GRIN2B: variants seen among roughly 807,000 people sequenced by gnomAD.
GRIN2B encodes glutamate ionotropic receptor NMDA type subunit 2B, also known as glutamate receptor ionotropic, NMDA 2B.
Under a neutral mutation model 114.5 loss-of-function variants are expected in GRIN2B, and 5 were observed. The ratio of observed to expected loss-of-function variants is 0.04; its 90% CI spans 0.02 to 0.09. The LOEUF is 0.09. GRIN2B is among the 10% of genes least tolerant of loss of function. The probability of loss-of-function intolerance (pLI) is 1.00; values close to 1 mark genes in which losing one functional copy is unlikely to be tolerated. For synonymous variants in GRIN2B, 787 were observed against 745.1 expected, an observed-to-expected ratio of 1.06 and a Z score of -0.92; for missense variants, 1,108 against 1,943.5, an observed-to-expected ratio of 0.57 and a Z score of 8.08.
intron 2 of GRIN2B, among the ~76,000 whole-genome samples, chr12:13,968,630 T>C (rs1867828157): frequency 6.6e-6 from 1 of 152,242 alleles, no homozygotes; most frequent in Non-Finnish European, 1.5e-5. Context: ...CACCAATATA[T>C]ATCCTCTTTC....
At chr12:13,798,006 T>G (rs886102730) in intron 3 of GRIN2B, among the ~76,000 whole-genome samples, 1 of 152,222 alleles carries the variant, frequency 6.6e-6, no homozygotes, top group Non-Finnish European at 1.5e-5. Context: ...AAAGTCAATC[T>G]TTAAGTCACA....
At chr12:13,922,400 T>C (rs1408913804) in intron 2 of GRIN2B, among the ~76,000 whole-genome samples, 2 of 152,154 alleles carry the variant, frequency 1.3e-5, no homozygotes, top group African/African-American at 2.4e-5. Flanking sequence ...CCAAACTGAA[T>C]TGTTATTTGG....
At chr12:13,783,806 G>C (rs17833908) in intron 3 of GRIN2B, among the ~76,000 whole-genome samples, 25,430 of 152,230 alleles carry the variant, frequency 0.17, 2,720 homozygotes, top group Non-Finnish European at 0.24. Context: ...CAATCTACCT[G>C]CTGGCCAGAC....
chr12:13,550,668 C>G lies in GRIN2B; in HGVS notation c.*12115G>C, dbSNP rs1007611280. 9.2e-5 allele frequency: 14 copies of G among 152,188 alleles called. No homozygotes were observed. The highest frequency in any genetic ancestry group is 1.9e-4 in the Non-Finnish European group (13 of 68,048). The allele number at this position is 152,188 out of a possible 1,614,324, so 9.4% of individuals were successfully genotyped here. ...TACCACAAAGAAAATGCTGCCTTCACATAAAGCCTCTTTTCTGTAATCCAA... is the reference window on the plus strand; with the variant it reads ...TACCACAAAGAAAATGCTGCCTTCAGATAAAGCCTCTTTTCTGTAATCCAA... On this transcript the variant is annotated 3_prime_UTR_variant, in exon 14 of 14. Transcript: ENST00000609686.
chr12:13,903,752 C>G (rs1484477950), intron 2 of GRIN2B, among the ~76,000 whole-genome samples: 1 of 151,968 alleles, frequency 6.6e-6, no homozygotes, highest in Non-Finnish European at 1.5e-5. Context: ...TCATATTAAT[C>G]GAATCTCCTA....
chr12:13,931,895 CCAT>C (rs768154815), intron 2 of GRIN2B, among the ~76,000 whole-genome samples: 2 of 152,154 alleles, frequency 1.3e-5, no homozygotes, highest in Non-Finnish European at 2.9e-5. Flanking sequence ...ACCTTAATCC[CCAT>C]CATTTCTCAC....
intron 2 of GRIN2B, among the ~76,000 whole-genome samples, chr12:13,950,443 T>G (rs1867459985): frequency 1.3e-5 from 2 of 152,252 alleles, no homozygotes; most frequent in South Asian, 4.1e-4. Context: ...GTTTATTCCT[T>G]ATTTGGAAAA....
At chr12:13,940,370 G>A (rs1867219208) in intron 2 of GRIN2B, among the ~76,000 whole-genome samples, 1 of 152,058 alleles carries the variant, frequency 6.6e-6, no homozygotes, top group African/African-American at 2.4e-5. Flanking sequence ...AGCTCAGCCT[G>A]AAGGCATTAT....
intron 3 of GRIN2B, among the ~76,000 whole-genome samples, chr12:13,810,529 T>C (rs1343852626): frequency 1.3e-5 from 2 of 152,160 alleles, no homozygotes; most frequent in African/African-American, 4.8e-5. Flanking sequence ...CATGACCATG[T>C]GGTCATTCTA....
chr12:13,567,583 G>T (rs1028064097), intron 12 of GRIN2B, among the ~76,000 whole-genome samples: 11 of 152,186 alleles, frequency 7.2e-5, no homozygotes, highest in African/African-American at 2.7e-4. Flanking sequence ...ACAATGACAA[G>T]CTGTCTGCAG....
rs572862555 is a variant in GRIN2B at position 13,705,895 on chromosome 12, G to C, written c.1011-30036C>G. On this transcript the variant is annotated intron_variant, in intron 4 of 13. Transcript: ENST00000609686. ...AGAGTTTGGCTTCACATTAATGAAG[G>C]GTTGTTATTAGTGAGGTAGTAATCA... 6.4e-4 allele frequency among the ~76,000 whole-genome samples: 97 copies of C among 152,214 alleles called. 1 individual carries two copies. The highest frequency in any genetic ancestry group is 2.3e-3 in the African/African-American group (94 of 41,538).
At chr12:13,932,333 C>G (rs1026717904) in intron 2 of GRIN2B, among the ~76,000 whole-genome samples, 9 of 152,156 alleles carry the variant, frequency 5.9e-5, no homozygotes, top group African/African-American at 2.2e-4. Flanking sequence ...ACCCTAAACT[C>G]TCTATATTTG....
At chr12:13,767,280 G>C (rs1425898242) in intron 3 of GRIN2B, among the ~76,000 whole-genome samples, 1 of 123,838 alleles carries the variant, frequency 8.1e-6, no homozygotes, top group Non-Finnish European at 1.7e-5. Flanking sequence ...AAAAAAAAAA[G>C]TATTCTAATG....
At chr12:13,867,110 C>T (rs976874349) in intron 2 of GRIN2B, among the ~76,000 whole-genome samples, 1 of 152,166 alleles carries the variant, frequency 6.6e-6, no homozygotes, top group Non-Finnish European at 1.5e-5. Flanking sequence ...CACCAAAATA[C>T]AGAAACTTAA....
At chr12:13,570,594 T>C (rs1377173506) in intron 11 of GRIN2B, among the ~76,000 whole-genome samples, 4 of 152,076 alleles carry the variant, frequency 2.6e-5, no homozygotes, top group Non-Finnish European at 4.4e-5. Flanking sequence ...GAAAGCAAAA[T>C]ACAGAAGAAT....
rs1948447042 is a variant in GRIN2B at position 13,553,882 on chromosome 12, A to G, written c.*8901T>C. ...GTGTTCCAAGTACACTTTCCTAACC[A>G]TAAAACAGTCCAAAACAACTTCAAA... On this transcript the variant is annotated 3_prime_UTR_variant, in exon 14 of 14. Transcript: ENST00000609686. 1 of 152,222 alleles carries G rather than the reference A, an allele frequency of 6.6e-6. No homozygotes were observed. 9.4% of individuals were successfully genotyped at this position (152,222 alleles called of 1,614,324 possible). A position where few individuals can be genotyped will look rare whatever the true frequency, so the allele number is the denominator to read the frequency against.
chr12:13,746,575 A>T (rs1415931669), intron 4 of GRIN2B, among the ~76,000 whole-genome samples: 1 of 151,632 alleles, frequency 6.6e-6, no homozygotes, highest in Non-Finnish European at 1.5e-5. Context: ...CCACTCACTC[A>T]CCCTCTGTAT....
At chr12:13,750,345 A>C (rs1226600570) in intron 4 of GRIN2B, among the ~76,000 whole-genome samples, 3 of 152,222 alleles carry the variant, frequency 2.0e-5, no homozygotes. Flanking sequence ...TTTCAGAGAT[A>C]TGTGGTTAGA....
At chr12:13,781,039 T>C (rs1158524704) in intron 3 of GRIN2B, among the ~76,000 whole-genome samples, 1 of 152,148 alleles carries the variant, frequency 6.6e-6, no homozygotes, top group African/African-American at 2.4e-5. Flanking sequence ...CCTTATGTAG[T>C]TCTGGTAGAA....
Sources: allele counts gnomAD v4.1 joint callset (sites outside exome capture counted in the v4.1 genomes callset), GRCh38; gene constraint gnomAD v4.1.1; transcripts MANE v1.5; gene names NCBI Gene and HGNC (gene_info 2026-07-23, HGNC 2026-07-21).